The following DTHD1 variants were observed in gnomAD, a reference collection of about 807,000 sequenced individuals.
DTHD1 encodes the protein death domain containing 1, also known as death domain-containing protein 1.
A neutral mutation model predicts 74.8 loss-of-function variants in DTHD1; 59 were observed. The observed-to-expected ratio is 0.79, with a 90% confidence interval of 0.64 to 0.98. DTHD1 has a LOEUF of 0.98. Among genes scored for constraint, DTHD1 ranks in the 50% least tolerant of loss-of-function variants. The probability of loss-of-function intolerance (pLI) is 0.00; values close to 1 mark genes in which losing one functional copy is unlikely to be tolerated. For missense variants in DTHD1, 1,051 were observed against 1,065.4 expected, an observed-to-expected ratio of 0.99 and a Z score of 0.19; for synonymous variants, 365 against 371.1, an observed-to-expected ratio of 0.98 and a Z score of 0.19.
chr4:36,309,230 G>GT (rs1757237271), intron 7 of DTHD1, among the ~76,000 whole-genome samples: 1 of 152,202 alleles, frequency 6.6e-6, no homozygotes, highest in Admixed American at 6.5e-5. Context: ...GAGGTCAGGT[G>GT]TTTGAGACCA....
intron 8 of DTHD1, 120 bp from the exon 9 acceptor site, chr4:36,338,992 G>T (rs1298890056): frequency 3.9e-6 from 3 of 762,348 alleles, no homozygotes; most frequent in Non-Finnish European, 6.3e-6. Flanking sequence ...ATTTAATTTT[G>T]CAAGGTATGC....
Position 36,343,820 on chromosome 4 carries a change from A to T in DTHD1, c.2717A>T (p.Glu906Val). 6.5e-7 allele frequency: 1 copy of T among 1,542,628 alleles called. No homozygotes were observed. Among genetic ancestry groups the T allele is most frequent in the Middle Eastern group, 1.7e-4 (1 of 5,968 alleles). Residue 906 changes from glutamate (E) to valine (V), a missense_variant, in exon 10 of 10, where the codon GAG becomes GTG. By Grantham distance (121) the Glu-to-Val change is moderately radical. Coordinates refer to ENST00000639862, the MANE Select transcript of DTHD1 (RefSeq NM_001170700.3). ...CAGCAGTGTTTTGATGTAGCCCCTG[A>T]GTAAAAGCCTGATCTCTCTTCCTTT... is the stretch of plus-strand genomic sequence containing the variant. ...EPQQCFDVAP[E>V]
chr4:36,321,767 T>G (rs538598037), intron 8 of DTHD1, among the ~76,000 whole-genome samples: 38 of 152,308 alleles, frequency 2.5e-4, no homozygotes, highest in African/African-American at 8.7e-4. Flanking sequence ...CTCATGCCTC[T>G]GCCCCAAACC....
intron 1 of DTHD1, among the ~76,000 whole-genome samples, chr4:36,283,405 A>G (rs1184120286): frequency 3.3e-5 from 5 of 152,320 alleles, no homozygotes; most frequent in East Asian, 3.9e-4. Flanking sequence ...AAAATTTCCA[A>G]TGCTCACAAA....
In DTHD1 at chr4:36,346,044, T is replaced by C. The variant is rs933240714; in HGVS notation, c.*2220T>C. ...TATGCTGTCACAAACACACCCCTCC[T>C]GCACACCCAGCTCCCAACTCTCTCA... On this transcript the variant is annotated 3_prime_UTR_variant, in exon 10 of 10. Coordinates refer to ENST00000639862, the MANE Select transcript of DTHD1 (RefSeq NM_001170700.3). 1.3e-5 allele frequency among the ~76,000 whole-genome samples: 2 copies of C among 151,884 alleles called. No homozygotes were observed. The highest frequency in any genetic ancestry group is 6.6e-5 in the Admixed American group (1 of 15,216).
At chr4:36,307,603 T>C (rs1757135164) in intron 6 of DTHD1, among the ~76,000 whole-genome samples, 1 of 152,216 alleles carries the variant, frequency 6.6e-6, no homozygotes, top group Admixed American at 6.5e-5. Context: ...ATGCAATTCC[T>C]ACCAACGTCC....
chr4:36,288,854 CATTCCTAAAGTT>C (rs144381181), intron 2 of DTHD1, among the ~76,000 whole-genome samples: 2,151 of 152,288 alleles, frequency 0.014, 42 homozygotes, highest in African/African-American at 0.049. Context: ...AGAGGAGAGT[CATTCCTAAAGTT>C]ATACAACGCT....
intron 7 of DTHD1, 117 bp from the exon 8 acceptor site, chr4:36,316,125 C>T (rs889172348): frequency 1.4e-5 from 13 of 904,986 alleles, no homozygotes; most frequent in Middle Eastern, 2.3e-4. Context: ...TTAGTAGAGA[C>T]GGGGTTTCAC....
rs543436711 is a variant in DTHD1, at chr4:36,301,944, C to T, written c.1644-4247C>T. On this transcript the variant is annotated intron_variant, in intron 5 of 9. Coordinates refer to ENST00000639862, the MANE Select transcript of DTHD1 (RefSeq NM_001170700.3). ...AAATTTCATCCTAGGATGACCTAGG[C>T]TCATTTTTGTCCAGAAACTGAATAA... Among the ~76,000 whole-genome samples the T allele has an allele frequency of 2.0e-5, 3 of 152,230 alleles. No homozygotes were observed. The South Asian group carries it at 6.2e-4, about 32-fold the overall frequency.
Position 36,338,558 on chromosome 4 carries a change from A to C in DTHD1, c.2341-554A>C, listed in dbSNP as rs887791189. Among the ~76,000 whole-genome samples the C allele has an allele frequency of 2.0e-4, 30 of 151,330 alleles. 1 individual carries two copies. The highest frequency in any genetic ancestry group is 7.0e-4 in the African/African-American group (29 of 41,182). ...AACCCAGATAATTTTATTTTATCTC[A>C]TATGCTGTCTCCACTATCTCATATT... On this transcript the variant is annotated intron_variant, in intron 8 of 9. Coordinates refer to ENST00000639862, the MANE Select transcript of DTHD1 (RefSeq NM_001170700.3).
rs1758621082 is a variant in DTHD1 at position 36,330,845 on chromosome 4, A to G, written c.2341-8267A>G. Among the ~76,000 whole-genome samples, 4 of 152,268 alleles carry G rather than the reference A, an allele frequency of 2.6e-5. 1 individual carries two copies. In the South Asian group the frequency reaches 8.3e-4, roughly 32 times the overall value. The stretch of plus-strand genomic sequence containing the variant: ...TACAGCACGAAGCTTTTATAGTAGC[A>G]TTAATTTTTGTACCAGATTACTTTC... On this transcript the variant is annotated intron_variant, in intron 8 of 9. Transcript: ENST00000639862.
At chr4:36,334,358 G>GTTTTTTTTTTT (rs34455692) in intron 8 of DTHD1, among the ~76,000 whole-genome samples, 1 of 138,906 alleles carries the variant, frequency 7.2e-6, no homozygotes, top group Non-Finnish European at 1.6e-5. Flanking sequence ...ATTTTTTTTG[G>GTTTTTTTTTTT]TTTTTTTTTT....
chr4:36,316,262 A>G lies in DTHD1; in HGVS notation c.2116A>G (p.Lys706Glu), dbSNP rs1341397305. ...TTTAGGCAACGGGAAGGATTATGGA[A>G]AAGACTACACACTTATTTTTCACTT... ...FASSNGKDYG[K>E]DYTLIFHLQR... Residue 706 changes from lysine to glutamate, a missense_variant, in exon 8 of 10, where the codon AAA becomes GAA. By Grantham distance (56) the Lys-to-Glu change is moderately conservative. Transcript: ENST00000639862. The G allele has an allele frequency of 6.4e-7, 1 of 1,551,076 alleles. No individual in the cohort carries two copies. Among genetic ancestry groups the G allele is most frequent in the Non-Finnish European group, 8.7e-7 (1 of 1,146,850 alleles).
intron 5 of DTHD1, among the ~76,000 whole-genome samples, chr4:36,295,556 A>C (rs1310203645): frequency 6.6e-6 from 1 of 152,112 alleles, no homozygotes; most frequent in Non-Finnish European, 1.5e-5. Context: ...AAAACAAATC[A>C]ATACCAAGAT....
chr4:36,322,317 T>A (rs1338627192), intron 8 of DTHD1, among the ~76,000 whole-genome samples: 1 of 152,032 alleles, frequency 6.6e-6, no homozygotes, highest in Non-Finnish European at 1.5e-5. Context: ...AGTGAATGGG[T>A]ATATATAAAT....
chr4:36,336,893 A>G (rs1759038595), intron 8 of DTHD1, among the ~76,000 whole-genome samples: 1 of 152,230 alleles, frequency 6.6e-6, no homozygotes, highest in African/African-American at 2.4e-5. Context: ...TAGAACCTCC[A>G]AATAAAAACT....
At chr4:36,311,727 T>TGGGCAGCATTCAGTCTCCATCCTATTGGA (rs1311744066) in intron 7 of DTHD1, 1 of 152,150 alleles carries the variant, frequency 6.6e-6, no homozygotes, top group Non-Finnish European at 1.5e-5. Context: ...GTCCTGCTGG[T>TGGGCAGCATTCAGTCTCCATCCTATTGGA]GGGCAGCATT....
chr4:36,296,162 A>G (rs1756385422), intron 5 of DTHD1, among the ~76,000 whole-genome samples: 1 of 152,192 alleles, frequency 6.6e-6, no homozygotes, highest in Admixed American at 6.6e-5. Flanking sequence ...CACTAATATC[A>G]GGAAATAGAA....
At chr4:36,331,191 CT>C (rs1034981146) in intron 8 of DTHD1, among the ~76,000 whole-genome samples, 15 of 151,946 alleles carry the variant, frequency 9.9e-5, no homozygotes, top group African/African-American at 3.4e-4. Context: ...GTAAATAACC[CT>C]TTACTATATG....
Sources: gnomAD v4.1 joint callset for allele counts (sites outside exome capture counted in the v4.1 genomes callset) on GRCh38, gnomAD v4.1.1 for gene constraint, MANE v1.5 for transcripts, NCBI Gene and HGNC (gene_info 2026-07-23, HGNC 2026-07-21) for gene names.